SYT17: variants seen among roughly 807,000 people sequenced by gnomAD.
The protein encoded by SYT17 is synaptotagmin-17.
In SYT17, 22 loss-of-function variants were observed where a neutral mutation model predicts 46.7. That is an observed-to-expected ratio of 0.47 (90% CI 0.34 to 0.67). The LOEUF (loss-of-function observed/expected upper bound fraction) is 0.67, where lower values mean the gene tolerates loss of function less well. Ranked by LOEUF, SYT17 falls within the 30% of genes least tolerant of loss-of-function variation. The pLI, the probability that SYT17 is intolerant of heterozygous loss-of-function variation, is 0.01. For missense variants in SYT17, 519 were observed against 612.8 expected, an observed-to-expected ratio of 0.85 and a Z score of 1.62; for synonymous variants, 251 against 248.4, an observed-to-expected ratio of 1.01 and a Z score of -0.10.
At position 19,257,583 on chromosome 16, in the gene SYT17, C is replaced by T. The variant is rs549337306; in HGVS notation, c.1229-9297C>T. Among the ~76,000 whole-genome samples the T allele has an allele frequency of 2.2e-4, 33 of 152,166 alleles. No individual in the cohort carries two copies. In the South Asian group the frequency reaches 5.0e-3, roughly 23 times the overall value. On this transcript the variant is annotated intron_variant, in intron 7 of 7. Transcript: ENST00000355377. ...GGAAGAAGCAGGCCTGTGTAGACTG[C>T]GTTATGTCTCCTCCAACAGTTAAGC...
intron 5 of SYT17, among the ~76,000 whole-genome samples, chr16:19,193,829 G>A (rs1325195594): frequency 6.6e-6 from 1 of 152,190 alleles, no homozygotes; most frequent in Admixed American, 6.5e-5. Flanking sequence ...ATGGGTTGCA[G>A]GATGCTCCCA....
At chr16:19,253,990 A>G (rs1242079453) in intron 7 of SYT17, among the ~76,000 whole-genome samples, 5 of 152,134 alleles carry the variant, frequency 3.3e-5, no homozygotes, top group Non-Finnish European at 5.9e-5. Context: ...TGGCCTCCCA[A>G]AGTGGTGGGA....
At chr16:19,246,755 T>C (rs2142991527) in intron 7 of SYT17, among the ~76,000 whole-genome samples, 1 of 152,338 alleles carries the variant, frequency 6.6e-6, no homozygotes, top group East Asian at 1.9e-4. Context: ...TAGACAGTTT[T>C]CCAAATTAGC....
chr16:19,249,387 A>G (rs1967863399), intron 7 of SYT17, among the ~76,000 whole-genome samples: 1 of 152,166 alleles, frequency 6.6e-6, no homozygotes. Context: ...CAGGGAGGGG[A>G]TGGAGTGGAA....
chr16:19,172,326 G>A, intron 1 of SYT17: 1 of 1,338,048 alleles, frequency 7.5e-7, no homozygotes, highest in East Asian at 2.9e-5. Context: ...GGGGAGCCAA[G>A]TAACATCCAC....
Position 19,168,368 on chromosome 16 carries a change from G to C in SYT17, c.-279G>C, listed in dbSNP as rs1963945534. On this transcript the variant is annotated 5_prime_UTR_variant, in exon 1 of 8. Transcript: ENST00000355377. The surrounding 1 kb of genome is among the most constrained non-coding windows in gnomAD (Gnocchi z 6.9). ...TGGGGAGCGCCTCGGTGGGGAGCAC[G>C]GGACAGCGAGGGAGGCCGAGGCGGG... 3 of 525,124 alleles carry C rather than the reference G, an allele frequency of 5.7e-6. No homozygotes were observed. The highest frequency in any genetic ancestry group is 1.0e-5 in the Non-Finnish European group (3 of 299,228). 32.5% of individuals were successfully genotyped at this position (525,124 alleles called of 1,614,324 possible).
intron 7 of SYT17, among the ~76,000 whole-genome samples, chr16:19,258,470 G>A (rs138478919): frequency 0.026 from 3,905 of 151,782 alleles, 158 homozygotes; most frequent in African/African-American, 0.087. Context: ...GTGAAACCCC[G>A]TCTCTACTAA....
chr16:19,189,304 T>C (rs1198351546), intron 5 of SYT17, among the ~76,000 whole-genome samples: 1 of 151,880 alleles, frequency 6.6e-6, no homozygotes, highest in Non-Finnish European at 1.5e-5. Flanking sequence ...TAAGGTCCCA[T>C]TCTGAGATAC....
intron 5 of SYT17, among the ~76,000 whole-genome samples, chr16:19,202,628 C>A (rs1567210356): frequency 1.3e-5 from 2 of 152,200 alleles, no homozygotes; most frequent in Admixed American, 6.5e-5. Flanking sequence ...AAAGTTCCAA[C>A]CTTTTAATCA....
At chr16:19,257,789 G>A (rs191406278) in intron 7 of SYT17, among the ~76,000 whole-genome samples, 9 of 152,158 alleles carry the variant, frequency 5.9e-5, no homozygotes, top group Admixed American at 3.3e-4. Context: ...ATGAGGTTTC[G>A]GGGTGCCAGC....
intron 7 of SYT17, among the ~76,000 whole-genome samples, chr16:19,245,641 G>A (rs866701646): frequency 3.3e-5 from 5 of 152,284 alleles, no homozygotes; most frequent in African/African-American, 9.6e-5. Context: ...GTGAGTCCAC[G>A]CTCATCTGTG....
chr16:19,183,853 C>T lies in SYT17; in HGVS notation c.657C>T (p.Gly219=), dbSNP rs752866824. 7 of 1,614,098 alleles carry T rather than the reference C, an allele frequency of 4.3e-6. No individual in the cohort carries two copies. The highest frequency in any genetic ancestry group is 5.9e-6 in the Non-Finnish European group (7 of 1,180,064). Residue 219 remains glycine (G), a synonymous_variant, in exon 5 of 8, where the codon GGC becomes GGT. Coordinates refer to ENST00000355377, the MANE Select transcript of SYT17 (RefSeq NM_016524.4). This position sits in a 1 kb window ranked among gnomAD's most constrained non-coding sequence, Gnocchi z 5.6. ...TGCCACCTCCCATCTCCCACGATGG[C>T]TCGCGCCAGGACATGGCGCACTCCA... ...RDLPPPISHD[G]SRQDMAHSNP...
chr16:19,227,308 G>C (rs1226293754), intron 7 of SYT17, among the ~76,000 whole-genome samples: 2 of 143,486 alleles, frequency 1.4e-5, no homozygotes, highest in Admixed American at 1.4e-4. Context: ...TTCTTGCTGT[G>C]TAATCCTTCT....
chr16:19,200,345 A>T (rs974892952), intron 5 of SYT17, among the ~76,000 whole-genome samples: 1 of 152,232 alleles, frequency 6.6e-6, no homozygotes, highest in Non-Finnish European at 1.5e-5. Context: ...CTGTAATATT[A>T]TTTTATGGAA....
At chr16:19,219,619 A>G (rs3785350) in intron 5 of SYT17, among the ~76,000 whole-genome samples, 52,145 of 152,058 alleles carry the variant, frequency 0.34, 10,377 homozygotes, top group East Asian at 0.74. Flanking sequence ...AACTGCTACC[A>G]CAATCAAGAT....
intron 7 of SYT17, among the ~76,000 whole-genome samples, chr16:19,232,514 G>A (rs1028849135): frequency 6.6e-6 from 1 of 152,064 alleles, no homozygotes; most frequent in African/African-American, 2.4e-5. Context: ...AGTGATGATT[G>A]ATTGTGCCAG....
chr16:19,220,258 T>A (rs1040647522), intron 5 of SYT17, among the ~76,000 whole-genome samples: 6 of 151,210 alleles, frequency 4.0e-5, no homozygotes, highest in Admixed American at 4.0e-4. Context: ...TGTGGCTAGA[T>A]GTTGGGTTAA....
intron 5 of SYT17, among the ~76,000 whole-genome samples, chr16:19,201,273 C>T (rs894542464): frequency 3.3e-5 from 5 of 152,190 alleles, no homozygotes; most frequent in Non-Finnish European, 5.9e-5. Flanking sequence ...ACCAGGGACA[C>T]AGCCCCAACT....
In SYT17 at chr16:19,172,740, C is replaced by T. The variant is rs772016762; in HGVS notation, c.16-20C>T. The stretch of plus-strand genomic sequence containing the variant: ...CGTTCCCTTACGCCCTTGGCTTCAT[C>T]GTGGATCTTAAAAGGGCAGTTGGAA... On this transcript the variant is annotated intron_variant, in intron 1 of 7. Transcript: ENST00000355377. 9.3e-6 allele frequency: 15 copies of T among 1,612,632 alleles called. No individual in the cohort carries two copies. The highest frequency in any genetic ancestry group is 2.7e-5 in the African/African-American group (2 of 74,328).
Sources: allele counts gnomAD v4.1 joint callset (sites outside exome capture counted in the v4.1 genomes callset), GRCh38; gene constraint gnomAD v4.1.1; non-coding constraint Gnocchi (gnomAD v3.1); transcripts MANE v1.5; gene names NCBI Gene and HGNC (gene_info 2026-07-23, HGNC 2026-07-21).